The following IMPG1 variants were observed in gnomAD, a reference collection of about 807,000 sequenced individuals.
IMPG1 encodes the protein interphotoreceptor matrix proteoglycan of 150 kDa.
A neutral mutation model predicts 92.0 loss-of-function variants in IMPG1; 85 were observed. The observed-to-expected ratio is 0.92, with a 90% CI of 0.78 to 1.11. The LOEUF is 1.11. Ranked by LOEUF, IMPG1 falls within the 50% of genes least tolerant of loss-of-function variation. IMPG1 has a pLI of 0.00. For missense variants in IMPG1, 1,022 were observed against 956.0 expected, an observed-to-expected ratio of 1.07 and a Z score of -0.91; for synonymous variants, 367 against 334.1, an observed-to-expected ratio of 1.10 and a Z score of -1.08.
intron 12 of IMPG1, among the ~76,000 whole-genome samples, chr6:75,985,145 G>C (rs1286443624): frequency 6.6e-6 from 1 of 152,092 alleles, no homozygotes. Flanking sequence ...GTAAACAATA[G>C]TTTGAGCCAT....
At chr6:75,964,905 A>G (rs1222570448) in intron 12 of IMPG1, among the ~76,000 whole-genome samples, 1 of 152,098 alleles carries the variant, frequency 6.6e-6, no homozygotes, top group African/African-American at 2.4e-5. Context: ...GGCAACCACT[A>G]ATGTGTTTTT....
chr6:75,925,208 A>G lies in IMPG1; in HGVS notation c.2244-1502T>C, dbSNP rs374266554. Among the ~76,000 whole-genome samples the G allele has an allele frequency of 9.8e-4, 149 of 152,284 alleles. 1 individual carries two copies. In the South Asian group the frequency reaches 0.029, roughly 30 times the overall value. On this transcript the variant is annotated intron_variant, in intron 15 of 16. Transcript: ENST00000369950. ...TTGCACAATGTATACATGTATTGAAATATCACATTGTACCCCATAAATATG... is the reference window on the plus strand; with the variant it reads ...TTGCACAATGTATACATGTATTGAAGTATCACATTGTACCCCATAAATATG...
At chr6:76,069,764 T>C (rs1182146203) in intron 1 of IMPG1, among the ~76,000 whole-genome samples, 1 of 150,216 alleles carries the variant, frequency 6.7e-6, no homozygotes. Flanking sequence ...AAAAATGTGG[T>C]ATATATACAC....
At chr6:76,070,510 G>A (rs1431441845) in intron 1 of IMPG1, among the ~76,000 whole-genome samples, 1 of 152,062 alleles carries the variant, frequency 6.6e-6, no homozygotes, top group Non-Finnish European at 1.5e-5. Context: ...AAAGATACTT[G>A]CATTTGAATA....
intron 4 of IMPG1, 43 bp downstream of exon 4, chr6:76,034,272 A>G: frequency 6.3e-7 from 1 of 1,591,016 alleles, no homozygotes; most frequent in Non-Finnish European, 8.6e-7. Flanking sequence ...GATCTTTTTA[A>G]ATTCAAAAGC....
At chr6:75,924,409 T>A (rs917021006) in intron 15 of IMPG1, among the ~76,000 whole-genome samples, 4 of 116,960 alleles carry the variant, frequency 3.4e-5, no homozygotes, top group Non-Finnish European at 6.7e-5. Flanking sequence ...AAATTATATA[T>A]AATTATATAT....
intron 12 of IMPG1, among the ~76,000 whole-genome samples, chr6:75,976,694 A>G (rs999603823): frequency 5.3e-5 from 8 of 151,908 alleles, no homozygotes; most frequent in Admixed American, 3.3e-4. Context: ...GGCGGATCAC[A>G]AGGTCAGGAG....
chr6:75,963,896 C>A (rs947767060), intron 12 of IMPG1, among the ~76,000 whole-genome samples: 22 of 152,204 alleles, frequency 1.4e-4, no homozygotes, highest in African/African-American at 4.8e-4. Context: ...TAGGAACTCT[C>A]CTGATGCTAA....
At chr6:76,028,395 C>A (rs182362677) in intron 4 of IMPG1, among the ~76,000 whole-genome samples, 9 of 152,130 alleles carry the variant, frequency 5.9e-5, no homozygotes, top group African/African-American at 2.2e-4. Context: ...GAAATGCTCA[C>A]GAATATCAAA....
At chr6:75,951,591 AT>A (rs397769586) in intron 12 of IMPG1, among the ~76,000 whole-genome samples, 1 of 99,832 alleles carries the variant, frequency 1.0e-5, no homozygotes, top group African/African-American at 3.2e-5. Context: ...ATGCAATTGG[AT>A]TTTTTTGGTT....
At chr6:76,036,729 C>T (rs940000026) in intron 2 of IMPG1, among the ~76,000 whole-genome samples, 1 of 152,030 alleles carries the variant, frequency 6.6e-6, no homozygotes, top group African/African-American at 2.4e-5. Context: ...TGTGACATTT[C>T]CTACTGTTAA....
chr6:75,968,442 A>G (rs1239924526), intron 12 of IMPG1, among the ~76,000 whole-genome samples: 1 of 152,190 alleles, frequency 6.6e-6, no homozygotes, highest in East Asian at 1.9e-4. Flanking sequence ...ATAGCAATGT[A>G]GAAAAATTCT....
chr6:75,970,451 G>A lies in IMPG1; in HGVS notation c.1292-19357C>T, dbSNP rs528407274. ...GTGCTGAATCTGTGAAATCTTATTA[G>A]ACTTAAACATTATCTCATATAATAT... is the stretch of plus-strand genomic sequence containing the variant. On this transcript the variant is annotated intron_variant, in intron 12 of 16. Coordinates refer to ENST00000369950, the MANE Select transcript of IMPG1 (RefSeq NM_001563.4). 2.0e-5 allele frequency among the ~76,000 whole-genome samples: 3 copies of A among 151,780 alleles called. No homozygotes were observed. In the South Asian group the frequency reaches 6.2e-4, roughly 32 times the overall value.
intron 1 of IMPG1, among the ~76,000 whole-genome samples, chr6:76,055,151 T>C (rs965219883): frequency 2.0e-5 from 3 of 151,848 alleles, no homozygotes; most frequent in African/African-American, 7.3e-5. Flanking sequence ...TAAACAAACA[T>C]TGGATATATA....
chr6:76,018,798 C>G lies in IMPG1; in HGVS notation c.727G>C (p.Val243Leu), dbSNP rs1341470710. 4 of 1,612,614 alleles carry G rather than the reference C, an allele frequency of 2.5e-6. No homozygotes were observed. Among genetic ancestry groups the G allele is most frequent in the Non-Finnish European group, 3.4e-6 (4 of 1,179,416 alleles). The change falls in exon 7 of 17, where the codon GTA becomes CTA. Residue 243 changes from valine (V) to leucine (L), a missense_variant. Val to Leu is a conservative substitution (Grantham distance 32). Around this residue, in one of 3 missense-constraint regions of IMPG1, gnomAD observed 681 missense variants for 583.6 expected, o/e 1.17. Coordinates refer to ENST00000369950, the MANE Select transcript of IMPG1 (RefSeq NM_001563.4). The stretch of plus-strand genomic sequence containing the variant: ...AGCTCTGCCTTGAACTTCTGGTTTA[C>G]CAGAGAGACGCTGAGCTCCACCCTC... ...EQRVELSVSL[V>L]NQKFKAELAD...
chr6:75,961,436 T>C (rs1365276919), intron 12 of IMPG1, among the ~76,000 whole-genome samples: 2 of 152,218 alleles, frequency 1.3e-5, no homozygotes, highest in Non-Finnish European at 1.5e-5. Context: ...TAGCCTAGTA[T>C]GTGCCAGGCA....
chr6:75,983,152 T>C (rs1011744444), intron 12 of IMPG1, among the ~76,000 whole-genome samples: 1 of 151,176 alleles, frequency 6.6e-6, no homozygotes, highest in African/African-American at 2.4e-5. Context: ...TAGATTTGGG[T>C]GCACAAGGAG....
rs756031825 is a variant in IMPG1 at position 76,042,141 on chromosome 6, T to C, written c.68-15A>G. On this transcript the variant is annotated splice_polypyrimidine_tract_variant and intron_variant, in intron 1 of 16. Coordinates refer to ENST00000369950, the MANE Select transcript of IMPG1 (RefSeq NM_001563.4). ...AATGGAGATATCTGTAAAAGAAAGA[T>C]TGATATCCTGGTGAATATATACATT... The C allele has an allele frequency of 4.7e-6, 6 of 1,268,910 alleles. No homozygotes were observed. The highest frequency in any genetic ancestry group is 1.9e-4 in the Middle Eastern group (1 of 5,176). 78.6% of individuals were successfully genotyped at this position (1,268,910 alleles called of 1,614,324 possible). A position where few individuals can be genotyped will look rare whatever the true frequency, so the allele number is the denominator to read the frequency against.
chr6:75,983,835 AT>A (rs1453707171), intron 12 of IMPG1, among the ~76,000 whole-genome samples: 1 of 152,194 alleles, frequency 6.6e-6, no homozygotes, highest in African/African-American at 2.4e-5. Context: ...GGCAATTAAT[AT>A]TTAAAATATA....
Sources: allele counts gnomAD v4.1 joint callset (sites outside exome capture counted in the v4.1 genomes callset), GRCh38; gene constraint gnomAD v4.1.1; regional missense constraint gnomAD v4.1.1; transcripts MANE v1.5; gene names NCBI Gene and HGNC (gene_info 2026-07-23, HGNC 2026-07-21).